Variants in ENPP3 observed in about 807,000 individuals in gnomAD.
The protein encoded by ENPP3 is ectonucleotide pyrophosphatase/phosphodiesterase family member 3.
ENPP3 carries 104 observed loss-of-function variants against 117.8 expected under a neutral mutation model. The ratio of observed to expected loss-of-function variants is 0.88; its 90% CI spans 0.75 to 1.04. The LOEUF is 1.04. ENPP3 is among the 50% of genes least tolerant of loss of function. The pLI is 0.00. For missense variants in ENPP3, 1,026 were observed against 1,051.9 expected (o/e 0.98, Z 0.34); for synonymous variants, 380 against 349.9 (o/e 1.09, Z -0.96).
chr6:131,721,668 A>C (rs1194158134), intron 17 of ENPP3, among the ~76,000 whole-genome samples: 2 of 151,846 alleles, frequency 1.3e-5, no homozygotes, highest in Admixed American at 6.6e-5. Flanking sequence ...AGCAAAATTC[A>C]CTAGTTCCAT....
chr6:131,728,573 T>C (rs1780205828), intron 20 of ENPP3, among the ~76,000 whole-genome samples: 1 of 152,204 alleles, frequency 6.6e-6, no homozygotes, highest in East Asian at 1.9e-4. Context: ...AATTACTCTG[T>C]TAGTGTGTTG....
chr6:131,657,632 A>G (rs1325267529), intron 5 of ENPP3, among the ~76,000 whole-genome samples: 1 of 152,232 alleles, frequency 6.6e-6, no homozygotes, highest in Non-Finnish European at 1.5e-5. Flanking sequence ...TGCACACTGT[A>G]TGATTTTATT....
chr6:131,720,056 G>A (rs981841948), intron 16 of ENPP3, among the ~76,000 whole-genome samples: 2 of 152,142 alleles, frequency 1.3e-5, no homozygotes, highest in African/African-American at 2.4e-5. Context: ...CACATGAGGT[G>A]CTATGGAGGT....
chr6:131,685,341 A>G, intron 12 of ENPP3, 23 bp from the exon 13 acceptor site: 1 of 1,591,058 alleles, frequency 6.3e-7, no homozygotes, highest in Non-Finnish European at 8.6e-7. Flanking sequence ...TCAGTGGGTT[A>G]TTATGATTAT....
chr6:131,667,486 G>T (rs1778642135), intron 6 of ENPP3, among the ~76,000 whole-genome samples: 1 of 152,066 alleles, frequency 6.6e-6, no homozygotes, highest in African/African-American at 2.4e-5. Flanking sequence ...AGCACACAGG[G>T]GACTAATAGA....
At position 131,746,951 on chromosome 6, in the gene ENPP3, A is replaced by T. The variant is rs781223784; in HGVS notation, c.2623A>T (p.Ile875Phe). The change falls in exon 25 of 25, where the codon ATT (isoleucine) becomes TTT (phenylalanine). Residue 875 changes from isoleucine to phenylalanine, a missense_variant. Physicochemically the swap from Ile to Phe is conservative, Grantham distance 21 (BLOSUM62 0). Transcript: ENST00000357639. ...KTYLPTFETT[I>F] The stretch of plus-strand genomic sequence containing the variant: ...ATATTTACCAACATTTGAAACCACT[A>T]TTTAACTTAATAATGTCTACTTAAT... 1.1e-5 allele frequency: 18 copies of T among 1,570,912 alleles called. No individual in the cohort carries two copies. The highest frequency in any genetic ancestry group is 1.6e-5 in the Non-Finnish European group (18 of 1,145,972).
At chr6:131,718,763 CTTTTA>C (rs756460849) in intron 16 of ENPP3, 25 bp downstream of exon 16, 6 of 1,480,682 alleles carry the variant, frequency 4.1e-6, no homozygotes, top group Non-Finnish European at 5.6e-6. Flanking sequence ...TTTTTTTTAA[CTTTTA>C]TTTTAAGTTC....
At chr6:131,671,104 C>A (rs1778730724) in intron 6 of ENPP3, 144 bp from the exon 7 acceptor site, 1 of 612,676 alleles carries the variant, frequency 1.6e-6, no homozygotes, top group African/African-American at 1.9e-5. Flanking sequence ...AGCTTAGAGA[C>A]CAGAATTTCA....
chr6:131,721,567 A>T (rs1175462826), intron 17 of ENPP3, among the ~76,000 whole-genome samples: 2 of 152,016 alleles, frequency 1.3e-5, no homozygotes, highest in Non-Finnish European at 2.9e-5. Context: ...ACATACAAAC[A>T]TGCAAATTGT....
rs1232318831 is a variant in ENPP3, at chr6:131,640,008, G to A, written c.79-1447G>A. On this transcript the variant is annotated intron_variant, in intron 1 of 24. Coordinates refer to ENST00000357639, the MANE Select transcript of ENPP3 (RefSeq NM_005021.5). The stretch of plus-strand genomic sequence containing the variant: ...AATAAATAAGCCTTTTACTCTCAAG[G>A]AGCTCACAGAATAATGTAGAAAACA... 6.6e-5 allele frequency among the ~76,000 whole-genome samples: 10 copies of A among 151,980 alleles called. No individual in the cohort carries two copies. In the East Asian group the frequency reaches 1.2e-3, roughly 18 times the overall value.
At chr6:131,638,648 A>C in intron 1 of ENPP3, 3 of 275,156 alleles carry the variant, frequency 1.1e-5, no homozygotes, top group Non-Finnish European at 2.1e-5. Context: ...CTGGTCTCAA[A>C]CTCCTGGATC....
intron 2 of ENPP3, among the ~76,000 whole-genome samples, chr6:131,649,330 A>C (rs1778214643): frequency 6.6e-6 from 1 of 152,154 alleles, no homozygotes; most frequent in Non-Finnish European, 1.5e-5. Flanking sequence ...CAAGCTTCTT[A>C]GTATGGCATA....
intron 12 of ENPP3, among the ~76,000 whole-genome samples, chr6:131,684,606 G>T (rs934537679): frequency 1.3e-5 from 2 of 151,628 alleles, no homozygotes; most frequent in Non-Finnish European, 2.9e-5. Context: ...TTGAACCCGG[G>T]AAGTGGAGGC....
rs569921351 is a variant in ENPP3, at chr6:131,709,757, C to T, written c.1413-8915C>T. 6.4e-5 allele frequency: 104 copies of T among 1,613,990 alleles called. No individual in the cohort carries two copies. In the East Asian group the frequency reaches 2.2e-3, roughly 34 times the overall value. ...TCTTCAGTGGCATGGCTGATCTTTT[C>T]TTCCACTCTAGAAAGCTTCTCTTCT... On this transcript the variant is annotated intron_variant, in intron 15 of 24. Transcript: ENST00000357639.
Position 131,648,237 on chromosome 6 carries a change from G to A in ENPP3, c.155-1790G>A, listed in dbSNP as rs145021829. On this transcript the variant is annotated intron_variant, in intron 2 of 24. Transcript: ENST00000357639. ...GTAGGATGAATTCAGGAGATCTAAT[G>A]CTCTGAGAATTATCACTTTTAGTGC... 3.5e-3 allele frequency among the ~76,000 whole-genome samples: 529 copies of A among 151,464 alleles called. 4 individuals carry two copies. The highest frequency in any genetic ancestry group is 0.012 in the African/African-American group (510 of 41,306).
chr6:131,645,050 AT>A (rs1474597743), intron 2 of ENPP3, among the ~76,000 whole-genome samples: 7 of 152,326 alleles, frequency 4.6e-5, no homozygotes, highest in Admixed American at 3.9e-4. Context: ...CCATGCATAC[AT>A]CTGTTCTCAT....
Position 131,710,736 on chromosome 6 carries a change from T to C in ENPP3, c.1413-7936T>C, listed in dbSNP as rs1168392278. 1.4e-5 allele frequency: 23 copies of C among 1,611,576 alleles called. No individual in the cohort carries two copies. In the East Asian group the frequency reaches 2.7e-4, roughly 19 times the overall value. On this transcript the variant is annotated intron_variant, in intron 15 of 24. Coordinates refer to ENST00000357639, the MANE Select transcript of ENPP3 (RefSeq NM_005021.5). ...ACTCTTTTTGAATAAGGCTAAACTT[T>C]TCAAGTAGTTTACATTTTTCTTCAA...
intron 3 of ENPP3, among the ~76,000 whole-genome samples, chr6:131,651,443 G>A (rs1010113171): frequency 2.0e-5 from 3 of 152,160 alleles, no homozygotes; most frequent in African/African-American, 4.8e-5. Flanking sequence ...CATTACATAT[G>A]TTTCAATGGA....
chr6:131,647,725 T>C (rs1778180092), intron 2 of ENPP3, among the ~76,000 whole-genome samples: 2 of 152,172 alleles, frequency 1.3e-5, no homozygotes. Flanking sequence ...TAAATTTTTT[T>C]AATGTTTCAT....
Sources: allele counts gnomAD v4.1 joint callset (sites outside exome capture counted in the v4.1 genomes callset), GRCh38; gene constraint gnomAD v4.1.1; transcripts MANE v1.5; gene names NCBI Gene and HGNC (gene_info 2026-07-23, HGNC 2026-07-21).